ITPR2: variants seen among roughly 807,000 people sequenced by gnomAD.
The protein encoded by ITPR2 is inositol 1,4,5-trisphosphate receptor type 2.
ITPR2 carries 207 observed loss-of-function variants against 317.1 expected under a neutral mutation model. The ratio of observed to expected loss-of-function variants is 0.65; its 90% CI spans 0.58 to 0.73. ITPR2 has a LOEUF of 0.73. Ranked by LOEUF, ITPR2 falls within the 30% of genes least tolerant of loss-of-function variation. The probability of loss-of-function intolerance (pLI) is 0.00; values close to 1 mark genes in which losing one functional copy is unlikely to be tolerated. For synonymous variants in ITPR2, 1,156 were observed against 1,149.1 expected, an observed-to-expected ratio of 1.01 and a Z score of -0.12; for missense variants, 2,613 against 3,284.0, an observed-to-expected ratio of 0.80 and a Z score of 4.99.
chr12:26,815,455 GTTTC>G (rs1005350932), intron 1 of ITPR2, among the ~76,000 whole-genome samples: 1 of 152,074 alleles, frequency 6.6e-6, no homozygotes. Context: ...AAACTAAATT[GTTTC>G]TTTCTATTAC....
intron 2 of ITPR2, among the ~76,000 whole-genome samples, chr12:26,729,190 G>T (rs1948987576): frequency 6.6e-6 from 1 of 152,040 alleles, no homozygotes; most frequent in African/African-American, 2.4e-5. Flanking sequence ...CATACATGCG[G>T]CCAACAATCA....
At chr12:26,485,664 C>A (rs1368978289) in intron 41 of ITPR2, among the ~76,000 whole-genome samples, 1 of 152,316 alleles carries the variant, frequency 6.6e-6, no homozygotes, top group East Asian at 1.9e-4. Context: ...TATGTTAATT[C>A]TGTTTCAAAT....
intron 37 of ITPR2, among the ~76,000 whole-genome samples, chr12:26,526,124 C>T (rs537956974): frequency 6.6e-6 from 1 of 152,144 alleles, no homozygotes; most frequent in East Asian, 1.9e-4. Flanking sequence ...TTGGGTAGTC[C>T]AAGACACTGT....
intron 37 of ITPR2, among the ~76,000 whole-genome samples, chr12:26,547,244 C>T (rs1944410513): frequency 6.6e-6 from 1 of 152,066 alleles, no homozygotes; most frequent in Admixed American, 6.6e-5. Context: ...GGGCAAAAGA[C>T]ATGACTAGAT....
chr12:26,751,798 A>C (rs1193141663), intron 2 of ITPR2, among the ~76,000 whole-genome samples: 2 of 151,906 alleles, frequency 1.3e-5, no homozygotes, highest in African/African-American at 4.8e-5. Flanking sequence ...CCTGGGAGGC[A>C]GAGGTTGCAA....
intron 34 of ITPR2, among the ~76,000 whole-genome samples, chr12:26,562,948 A>C (rs773752046): frequency 3.9e-5 from 6 of 152,058 alleles, no homozygotes; most frequent in Non-Finnish European, 5.9e-5. Context: ...CAAAACATGA[A>C]GAAAAACTTG....
At chr12:26,523,653 A>G (rs1943727361) in intron 37 of ITPR2, among the ~76,000 whole-genome samples, 1 of 152,124 alleles carries the variant, frequency 6.6e-6, no homozygotes, top group South Asian at 2.1e-4. Context: ...TCAGCTCTTC[A>G]GGGGCATGAT....
rs540718229 is a variant in ITPR2, at chr12:26,736,817, T to C, written c.164-11052A>G. Among the ~76,000 whole-genome samples, 3 of 152,258 alleles carry C rather than the reference T, an allele frequency of 2.0e-5. 1 individual carries two copies. The highest frequency in any genetic ancestry group is 4.1e-4 in the South Asian group (2 of 4,820). Reference sequence around the variant, plus strand: ...GAAGAAGGAACACATCCATGTTGGGTCCAGTTCTATAGATGGCACATTTTA... The same window carrying C: ...GAAGAAGGAACACATCCATGTTGGGCCCAGTTCTATAGATGGCACATTTTA... On this transcript the variant is annotated intron_variant, in intron 2 of 56. Transcript: ENST00000381340.
chr12:26,549,069 C>A (rs966999247), intron 37 of ITPR2, among the ~76,000 whole-genome samples: 2 of 152,180 alleles, frequency 1.3e-5, no homozygotes, highest in East Asian at 3.8e-4. Flanking sequence ...ACTTCAGAAT[C>A]TGGTACTTCA....
intron 52 of ITPR2, among the ~76,000 whole-genome samples, chr12:26,403,011 G>A (rs965279477): frequency 3.3e-5 from 5 of 152,338 alleles, no homozygotes; most frequent in Admixed American, 2.6e-4. Flanking sequence ...GGGCAGTGCA[G>A]TATCACAGGA....
chr12:26,497,429 C>T (rs1309535584), intron 37 of ITPR2, among the ~76,000 whole-genome samples: 1 of 152,226 alleles, frequency 6.6e-6, no homozygotes, highest in Non-Finnish European at 1.5e-5. Flanking sequence ...GCTGGGATTA[C>T]AGGCATGAGC....
At chr12:26,427,858 T>C in intron 49 of ITPR2, 55 bp downstream of exon 49, 1 of 1,157,246 alleles carries the variant, frequency 8.6e-7, no homozygotes, top group Non-Finnish European at 1.1e-6. Flanking sequence ...ATTTTTATAT[T>C]TCATACACTT....
At chr12:26,476,178 T>C (rs1305398269) in intron 44 of ITPR2, among the ~76,000 whole-genome samples, 1 of 152,232 alleles carries the variant, frequency 6.6e-6, no homozygotes, top group East Asian at 1.9e-4. Context: ...CTCAACTCCA[T>C]TCTTTACTAA....
chr12:26,471,333 G>A (rs1942287058), intron 45 of ITPR2, among the ~76,000 whole-genome samples: 1 of 152,192 alleles, frequency 6.6e-6, no homozygotes, highest in South Asian at 2.1e-4. Context: ...GCTCTGGACT[G>A]TGTATAGTGA....
chr12:26,360,939 C>T (rs971233071), intron 55 of ITPR2, among the ~76,000 whole-genome samples: 16 of 152,000 alleles, frequency 1.1e-4, no homozygotes, highest in Non-Finnish European at 1.9e-4. Context: ...AGCAGCCAGG[C>T]GCCATGGCTC....
At chr12:26,773,111 C>G (rs1429549457) in intron 2 of ITPR2, among the ~76,000 whole-genome samples, 1 of 152,096 alleles carries the variant, frequency 6.6e-6, no homozygotes, top group African/African-American at 2.4e-5. Context: ...TGCCCAAGAT[C>G]TTACAGTGTT....
intron 55 of ITPR2, among the ~76,000 whole-genome samples, chr12:26,370,682 G>A (rs1368420116): frequency 6.6e-6 from 1 of 151,936 alleles, no homozygotes; most frequent in African/African-American, 2.4e-5. Flanking sequence ...TTTGTTGTTT[G>A]TTTGTTTGTT....
chr12:26,595,094 A>C (rs1945809151), intron 32 of ITPR2, among the ~76,000 whole-genome samples: 1 of 152,234 alleles, frequency 6.6e-6, no homozygotes, highest in Non-Finnish European at 1.5e-5. Flanking sequence ...AGACCTCTTT[A>C]GGTCTCTTGA....
intron 1 of ITPR2, among the ~76,000 whole-genome samples, chr12:26,802,307 A>G (rs1950568616): frequency 6.6e-6 from 1 of 152,134 alleles, no homozygotes; most frequent in Non-Finnish European, 1.5e-5. Flanking sequence ...TCTAAAAAAA[A>G]AATAAAAATA....
Sources: allele counts gnomAD v4.1 joint callset (sites outside exome capture counted in the v4.1 genomes callset), GRCh38; gene constraint gnomAD v4.1.1; transcripts MANE v1.5; gene names NCBI Gene and HGNC (gene_info 2026-07-23, HGNC 2026-07-21).